Variants in TNKS observed in about 807,000 individuals in gnomAD.
The protein encoded by TNKS is tankyrase, also known as poly [ADP-ribose] polymerase tankyrase-1.
TNKS carries 72 observed loss-of-function variants against 135.8 expected under a neutral mutation model. The observed-to-expected ratio is 0.53, with a 90% CI of 0.44 to 0.64. The LOEUF (loss-of-function observed/expected upper bound fraction) is 0.64. Ranked by LOEUF, TNKS falls within the 30% of genes least tolerant of loss-of-function variation. The pLI is 0.00. For missense variants in TNKS, 1,769 were observed against 1,674.0 expected (o/e 1.06, Z -0.99); for synonymous variants, 849 against 649.3 (o/e 1.31, Z -4.68).
rs1444810989 is a variant in TNKS, at chr8:9,615,564, T to C, written c.899-18T>C. The C allele has an allele frequency of 1.9e-6, 3 of 1,605,460 alleles. No individual in the cohort carries two copies. The highest frequency in any genetic ancestry group is 2.2e-5 in the South Asian group (2 of 89,626). On this transcript the variant is annotated intron_variant, in intron 2 of 26. Coordinates refer to ENST00000310430, the MANE Select transcript of TNKS (RefSeq NM_003747.3). ...TGTATCCCCGAGGTAAGATACTGTT[T>C]CTGCTTTCCCTGCACAGTGCTGCTG...
chr8:9,648,498 C>A (rs1232218421), intron 3 of TNKS, among the ~76,000 whole-genome samples: 1 of 152,146 alleles, frequency 6.6e-6, no homozygotes, highest in African/African-American at 2.4e-5. Context: ...GCTTTCCCCT[C>A]CCCATGCCGT....
chr8:9,624,052 C>A (rs1799966447), intron 3 of TNKS, among the ~76,000 whole-genome samples: 1 of 144,020 alleles, frequency 6.9e-6, no homozygotes, highest in South Asian at 2.3e-4. Flanking sequence ...AAACAACTAA[C>A]TTTCTGTTTG....
chr8:9,699,975 C>T (rs1803718336), intron 5 of TNKS, among the ~76,000 whole-genome samples: 1 of 152,186 alleles, frequency 6.6e-6, no homozygotes, highest in African/African-American at 2.4e-5. Flanking sequence ...AACATGGATT[C>T]TTCACACAAC....
Position 9,565,874 on chromosome 8 carries a change from A to T in TNKS, c.673+9262A>T, listed in dbSNP as rs770023590. 1.8e-4 allele frequency among the ~76,000 whole-genome samples: 27 copies of T among 152,242 alleles called. 1 individual carries two copies. The highest frequency in any genetic ancestry group is 6.8e-3 in the Middle Eastern group (2 of 294). On this transcript the variant is annotated intron_variant, in intron 1 of 26. Coordinates refer to ENST00000310430, the MANE Select transcript of TNKS (RefSeq NM_003747.3). ...TCCGTCTCAAAAAAAATAAAAATAA[A>T]TAAAAATAAAAATAAACTAAACTCC...
chr8:9,587,197 C>T (rs563231951), intron 2 of TNKS, among the ~76,000 whole-genome samples: 2 of 151,866 alleles, frequency 1.3e-5, no homozygotes, highest in South Asian at 4.2e-4. Flanking sequence ...CACCAGATTC[C>T]TTAGAAGTAG....
At chr8:9,679,708 G>C (rs1348219439) in intron 3 of TNKS, 1 of 458,510 alleles carries the variant, frequency 2.2e-6, no homozygotes, top group African/African-American at 1.9e-5. Context: ...GCATTCATTG[G>C]TTGTCTGAAG....
chr8:9,556,704 G>T (rs778401577), intron 1 of TNKS, 92 bp downstream of exon 1: 2 of 1,446,778 alleles, frequency 1.4e-6, no homozygotes, highest in African/African-American at 2.8e-5. Context: ...ATGGGACAAA[G>T]TGGGGGCGTG....
At position 9,763,100 on chromosome 8, in the gene TNKS, G is replaced by A. The variant is rs531281749; in HGVS notation, c.3275-47G>A. 3.1e-4 allele frequency: 212 copies of A among 685,796 alleles called. 5 individuals carry two copies. In the South Asian group the frequency reaches 5.3e-3, roughly 17 times the overall value. 42.5% of individuals were successfully genotyped at this position (685,796 alleles called of 1,614,324 possible). ...TTTTTTTTTTTATAAAATAGAGCCT[G>A]AGTAGTGTAGACTTTTGTTTTATAT... is the stretch of plus-strand genomic sequence containing the variant. On this transcript the variant is annotated intron_variant, in intron 21 of 26. Coordinates refer to ENST00000310430, the MANE Select transcript of TNKS (RefSeq NM_003747.3).
At chr8:9,565,464 G>A (rs369680409) in intron 1 of TNKS, among the ~76,000 whole-genome samples, 10 of 152,086 alleles carry the variant, frequency 6.6e-5, no homozygotes, top group African/African-American at 2.2e-4. Flanking sequence ...GTTAGCAGAT[G>A]ATTTCCATGA....
At chr8:9,594,226 A>C (rs1461875020) in intron 2 of TNKS, among the ~76,000 whole-genome samples, 1 of 152,182 alleles carries the variant, frequency 6.6e-6, no homozygotes, top group African/African-American at 2.4e-5. Flanking sequence ...GAAGGTTAAC[A>C]ACTTTCTGGG....
intron 3 of TNKS, 175 bp from the exon 4 acceptor site, chr8:9,679,776 A>C: frequency 1.9e-6 from 1 of 528,072 alleles, no homozygotes; most frequent in Non-Finnish European, 3.4e-6. Context: ...GCCCGTCTCC[A>C]AGGCACTGGT....
At chr8:9,663,966 TCA>T (rs1178243509) in intron 3 of TNKS, among the ~76,000 whole-genome samples, 3 of 152,146 alleles carry the variant, frequency 2.0e-5, no homozygotes, top group Non-Finnish European at 4.4e-5. Flanking sequence ...TCCCTGGAGA[TCA>T]GGCATGGGGC....
intron 21 of TNKS, among the ~76,000 whole-genome samples, chr8:9,762,416 G>A (rs575169602): frequency 1.3e-3 from 198 of 152,312 alleles, no homozygotes; most frequent in African/African-American, 4.6e-3. Flanking sequence ...GCAATTGTAA[G>A]TGGCTATTTC....
At chr8:9,604,932 A>G (rs1799159181) in intron 2 of TNKS, among the ~76,000 whole-genome samples, 1 of 151,846 alleles carries the variant, frequency 6.6e-6, no homozygotes. Flanking sequence ...CCAGTTCAGC[A>G]ATTTTCTCTT....
At chr8:9,723,444 C>T (rs986618804) in intron 12 of TNKS, among the ~76,000 whole-genome samples, 2 of 151,990 alleles carry the variant, frequency 1.3e-5, no homozygotes, top group African/African-American at 4.8e-5. Flanking sequence ...ACTTTAGAAA[C>T]CTGCACTTTC....
chr8:9,577,593 G>A (rs973857941), intron 1 of TNKS, among the ~76,000 whole-genome samples: 39 of 152,124 alleles, frequency 2.6e-4, no homozygotes, highest in African/African-American at 8.9e-4. Flanking sequence ...CAGATCTTGT[G>A]AGAACTCACT....
chr8:9,600,542 G>A (rs1217241616), intron 2 of TNKS, among the ~76,000 whole-genome samples: 1 of 151,960 alleles, frequency 6.6e-6, no homozygotes, highest in Non-Finnish European at 1.5e-5. Context: ...TGAACTCCTG[G>A]GCTCAAGCGA....
intron 11 of TNKS, among the ~76,000 whole-genome samples, chr8:9,719,941 A>T (rs190318954): frequency 3.3e-5 from 5 of 152,206 alleles, no homozygotes; most frequent in African/African-American, 1.2e-4. Context: ...AATATAATCA[A>T]CTACTTTGAC....
intron 15 of TNKS, 125 bp from the exon 16 acceptor site, chr8:9,734,739 TC>T: frequency 1.3e-6 from 1 of 798,714 alleles, no homozygotes; most frequent in Non-Finnish European, 2.0e-6. Context: ...AAAGTGTTTT[TC>T]AAAATGCATA....
Sources: allele counts gnomAD v4.1 joint callset (sites outside exome capture counted in the v4.1 genomes callset), GRCh38; gene constraint gnomAD v4.1.1; transcripts MANE v1.5; gene names NCBI Gene and HGNC (gene_info 2026-07-23, HGNC 2026-07-21).